The following DACH1 variants were observed in gnomAD, a reference collection of about 807,000 sequenced individuals.
DACH1 encodes the protein dachshund family transcription factor 1.
A neutral mutation model predicts 54.2 loss-of-function variants in DACH1; 12 were observed. The ratio of observed to expected loss-of-function variants is 0.22; its 90% CI spans 0.14 to 0.36. The LOEUF (loss-of-function observed/expected upper bound fraction) is 0.36, where lower values mean the gene tolerates loss of function less well. Ranked by LOEUF, DACH1 falls within the 10% of genes least tolerant of loss-of-function variation. DACH1 has a pLI of 1.00. For synonymous variants in DACH1, 386 were observed against 366.2 expected (o/e 1.05, Z -0.62); for missense variants, 805 against 929.8 (o/e 0.87, Z 1.75).
intron 1 of DACH1, among the ~76,000 whole-genome samples, chr13:71,773,862 T>TA (rs1473357416): frequency 2.0e-5 from 3 of 152,004 alleles, no homozygotes; most frequent in Non-Finnish European, 4.4e-5. Flanking sequence ...ATAATCTTCA[T>TA]AAAGGTTGTT....
intron 1 of DACH1, among the ~76,000 whole-genome samples, chr13:71,850,941 C>T (rs1873616643): frequency 6.6e-6 from 1 of 152,182 alleles, no homozygotes; most frequent in African/African-American, 2.4e-5. Context: ...CAAGTAATGT[C>T]AAATGACAAA....
intron 2 of DACH1, among the ~76,000 whole-genome samples, chr13:71,634,708 C>A (rs953716543): frequency 2.0e-5 from 3 of 152,158 alleles, no homozygotes; most frequent in African/African-American, 7.2e-5. Flanking sequence ...ATCTACCCCA[C>A]TTGCTTGTGT....
At chr13:71,680,470 G>A (rs1444096871) in intron 2 of DACH1, among the ~76,000 whole-genome samples, 1 of 152,058 alleles carries the variant, frequency 6.6e-6, no homozygotes, top group East Asian at 1.9e-4. Flanking sequence ...CAGGCATGGT[G>A]GCCTGTGCCT....
At chr13:71,793,952 A>C (rs1407460527) in intron 1 of DACH1, among the ~76,000 whole-genome samples, 2 of 152,146 alleles carry the variant, frequency 1.3e-5, no homozygotes, top group Non-Finnish European at 2.9e-5. Flanking sequence ...CTGGTCTTAA[A>C]ACCTCCTTAT....
chr13:71,797,838 C>T (rs1373768011), intron 1 of DACH1, among the ~76,000 whole-genome samples: 2 of 152,122 alleles, frequency 1.3e-5, no homozygotes, highest in East Asian at 3.9e-4. Flanking sequence ...TCCAAAATTG[C>T]TGTAACAGAA....
chr13:71,502,789 C>T (rs187464140), intron 6 of DACH1, among the ~76,000 whole-genome samples: 1 of 152,160 alleles, frequency 6.6e-6, no homozygotes. Flanking sequence ...TCCAAATCAC[C>T]GTCTTTCAGT....
chr13:71,451,229 G>A (rs895928214), intron 10 of DACH1, among the ~76,000 whole-genome samples: 1 of 152,036 alleles, frequency 6.6e-6, no homozygotes, highest in Non-Finnish European at 1.5e-5. Flanking sequence ...AAACCTAAAT[G>A]TTGTTCCTGT....
intron 3 of DACH1, among the ~76,000 whole-genome samples, chr13:71,609,485 A>C (rs1941114228): frequency 6.6e-6 from 1 of 152,194 alleles, no homozygotes; most frequent in South Asian, 2.1e-4. Context: ...ATGAAATATT[A>C]GTCATTTGTT....
At chr13:71,594,150 G>A (rs1050924190) in intron 3 of DACH1, among the ~76,000 whole-genome samples, 1 of 151,270 alleles carries the variant, frequency 6.6e-6, no homozygotes, top group African/African-American at 2.4e-5. Context: ...TAATCTACTT[G>A]AATATGGACA....
At chr13:71,492,644 T>C (rs1879071976) in intron 6 of DACH1, among the ~76,000 whole-genome samples, 1 of 152,056 alleles carries the variant, frequency 6.6e-6, no homozygotes, top group African/African-American at 2.4e-5. Context: ...TCTGGAAAAG[T>C]AATAAAACTC....
At chr13:71,790,924 A>G (rs1886804304) in intron 1 of DACH1, among the ~76,000 whole-genome samples, 1 of 152,242 alleles carries the variant, frequency 6.6e-6, no homozygotes, top group African/African-American at 2.4e-5. Context: ...TAATTGAAGT[A>G]TAGGCTAAAT....
At chr13:71,731,154 G>A (rs978295156) in intron 1 of DACH1, among the ~76,000 whole-genome samples, 1 of 151,972 alleles carries the variant, frequency 6.6e-6, no homozygotes, top group African/African-American at 2.4e-5. Context: ...AGCCAGTCGT[G>A]TTATTAAACA....
At chr13:71,566,868 TTA>T (rs1884923183) in intron 4 of DACH1, among the ~76,000 whole-genome samples, 1 of 152,268 alleles carries the variant, frequency 6.6e-6, no homozygotes, top group East Asian at 1.9e-4. Flanking sequence ...TTGGAGATTT[TTA>T]TGTTTGTACA....
chr13:71,630,006 G>A (rs956828337), intron 3 of DACH1, among the ~76,000 whole-genome samples: 2 of 151,652 alleles, frequency 1.3e-5, no homozygotes, highest in African/African-American at 4.8e-5. Flanking sequence ...CCATATGGTA[G>A]GAAAGAAAAA....
chr13:71,592,494 CAAAAAAAAA>C (rs575364116), intron 3 of DACH1, among the ~76,000 whole-genome samples: 1 of 32,782 alleles, frequency 3.1e-5, no homozygotes, highest in Non-Finnish European at 6.0e-5. Flanking sequence ...GACTCTATCT[CAAAAAAAAA>C]AAAAAAAAAA....
intron 2 of DACH1, among the ~76,000 whole-genome samples, chr13:71,658,474 C>A (rs1412271949): frequency 6.6e-6 from 1 of 152,014 alleles, no homozygotes; most frequent in African/African-American, 2.4e-5. Flanking sequence ...CTCTTGAACC[C>A]GGGAGGCTGA....
At chr13:71,634,363 TC>T (rs1877321196) in intron 2 of DACH1, among the ~76,000 whole-genome samples, 1 of 152,128 alleles carries the variant, frequency 6.6e-6, no homozygotes, top group African/African-American at 2.4e-5. Context: ...TGTTCTCAGT[TC>T]CCTGCCTATC....
At chr13:71,468,926 TTC>T (rs1433423603) in intron 10 of DACH1, among the ~76,000 whole-genome samples, 2 of 152,210 alleles carry the variant, frequency 1.3e-5, no homozygotes, top group Non-Finnish European at 2.9e-5. Flanking sequence ...GAAACATTTT[TTC>T]AATTGTATAT....
At chr13:71,560,932 G>A (rs922506317) in intron 4 of DACH1, among the ~76,000 whole-genome samples, 7 of 152,026 alleles carry the variant, frequency 4.6e-5, no homozygotes, top group Non-Finnish European at 1.0e-4. Flanking sequence ...GATGTATAAT[G>A]TACTTATAAA....
Sources: allele counts gnomAD v4.1 joint callset (sites outside exome capture counted in the v4.1 genomes callset), GRCh38; gene constraint gnomAD v4.1.1; transcripts MANE v1.5; gene names NCBI Gene and HGNC (gene_info 2026-07-23, HGNC 2026-07-21).